GLYR1: variants seen among roughly 807,000 people sequenced by gnomAD.
GLYR1 encodes the protein glyoxylate reductase 1 homolog, also known as cytokine-like nuclear factor N-PAC.
A neutral mutation model predicts 72.7 loss-of-function variants in GLYR1; 21 were observed. The observed-to-expected ratio is 0.29, with a 90% CI of 0.20 to 0.42. The LOEUF (loss-of-function observed/expected upper bound fraction) is 0.42, where lower values mean the gene tolerates loss of function less well. Among genes scored for constraint, GLYR1 ranks in the 10% least tolerant of loss-of-function variants. The pLI is 1.00. For synonymous variants in GLYR1, 392 were observed against 270.2 expected, an observed-to-expected ratio of 1.45 and a Z score of -4.42; for missense variants, 594 against 712.1, an observed-to-expected ratio of 0.83 and a Z score of 1.89.
chr16:4,843,768 T>A (rs951037555), intron 3 of GLYR1: 10 of 524,402 alleles, frequency 1.9e-5, no homozygotes, highest in Non-Finnish European at 2.7e-5. Flanking sequence ...TGTATTTTCC[T>A]ATAAGAATAA....
intron 12 of GLYR1, 23 bp downstream of exon 12, chr16:4,813,714 G>A (rs1239373648): frequency 6.4e-7 from 1 of 1,561,138 alleles, no homozygotes; most frequent in South Asian, 1.2e-5. Context: ...ATGCTGGAGA[G>A]CCAGCCCAAG....
chr16:4,814,767 G>C, intron 10 of GLYR1, 120 bp from the exon 11 acceptor site: 1 of 767,310 alleles, frequency 1.3e-6, no homozygotes, highest in Non-Finnish European at 2.2e-6. Context: ...GCTGAGGCCG[G>C]GAGCCTGGGT....
intron 10 of GLYR1, 117 bp from the exon 11 acceptor site, chr16:4,814,764 C>T (rs535033641): frequency 4.8e-4 from 379 of 792,424 alleles, no homozygotes; most frequent in Non-Finnish European, 7.2e-4. Context: ...GAGGCTGAGG[C>T]CGGGAGCCTG....
chr16:4,821,836 G>A lies in GLYR1; in HGVS notation c.682-239C>T, dbSNP rs564201640. On this transcript the variant is annotated intron_variant, in intron 7 of 15. Coordinates refer to ENST00000321919, the MANE Select transcript of GLYR1 (RefSeq NM_032569.4). ...TGTTGAGAATAAGAGTCATAAGCTT[G>A]GAACCCACATCTATCCAACTCCAAA... 5.7e-4 allele frequency among the ~76,000 whole-genome samples: 87 copies of A among 152,342 alleles called. 1 individual carries two copies. Among genetic ancestry groups the A allele is most frequent in the Middle Eastern group, 3.4e-3 (1 of 294 alleles).
At chr16:4,817,964 T>C in intron 9 of GLYR1, 1 of 375,836 alleles carries the variant, frequency 2.7e-6, no homozygotes, top group East Asian at 5.3e-5. Flanking sequence ...TGTGTATGGT[T>C]CAGGGCCAGT....
intron 10 of GLYR1, among the ~76,000 whole-genome samples, chr16:4,816,729 T>C (rs927919324): frequency 2.6e-5 from 4 of 152,104 alleles, no homozygotes; most frequent in African/African-American, 9.6e-5. Flanking sequence ...CTCACACCCG[T>C]AATCCCAGTA....
chr16:4,821,194 C>T (rs1296925592), intron 9 of GLYR1, 186 bp downstream of exon 9: 8 of 648,570 alleles, frequency 1.2e-5, no homozygotes, highest in African/African-American at 5.5e-5. Flanking sequence ...AAGGGAGACC[C>T]GACCACAGAT....
In GLYR1 at chr16:4,817,639, T is replaced by G. The variant is rs775694326; in HGVS notation, c.865A>C (p.Met289Leu). The G allele has an allele frequency of 1.9e-6, 3 of 1,613,476 alleles. No homozygotes were observed. Among genetic ancestry groups the G allele is most frequent in the Admixed American group, 3.3e-5 (2 of 59,994 alleles). The change falls in exon 10 of 16, where the codon ATG (methionine) becomes CTG (leucine). Residue 289 changes from methionine to leucine, a missense_variant. Met to Leu is a conservative substitution (Grantham distance 15, BLOSUM62 2). Coordinates refer to ENST00000321919, the MANE Select transcript of GLYR1 (RefSeq NM_032569.4). ...GSGIVSNLLK[M>L]GHTVTVWNRT... ...TTCCAGACAGTCACTGTGTGACCCA[T>G]TTTTAGCAAGTTGGAGACGATTCCA... is the stretch of plus-strand genomic sequence containing the variant.
intron 5 of GLYR1, among the ~76,000 whole-genome samples, chr16:4,829,016 A>C (rs1038391981): frequency 6.6e-6 from 1 of 152,124 alleles, no homozygotes; most frequent in Non-Finnish European, 1.5e-5. Flanking sequence ...TAAACTCAGA[A>C]GTCACATTAC....
At chr16:4,834,620 C>G (rs1008341575) in intron 3 of GLYR1, among the ~76,000 whole-genome samples, 2 of 152,122 alleles carry the variant, frequency 1.3e-5, no homozygotes, top group South Asian at 4.1e-4. Flanking sequence ...TATGCACCAC[C>G]ACACCCAGCT....
chr16:4,829,453 G>A (rs1185677520), intron 5 of GLYR1, among the ~76,000 whole-genome samples: 1 of 151,712 alleles, frequency 6.6e-6, no homozygotes, highest in South Asian at 2.1e-4. Context: ...CTACAGGTGT[G>A]TACCACTATG....
intron 3 of GLYR1, among the ~76,000 whole-genome samples, chr16:4,835,081 C>G (rs1026598255): frequency 2.0e-5 from 3 of 152,098 alleles, no homozygotes; most frequent in African/African-American, 7.2e-5. Context: ...TGGTCAGAAG[C>G]TGAGAACCAC....
intron 5 of GLYR1, among the ~76,000 whole-genome samples, chr16:4,827,816 C>T (rs2084495767): frequency 6.6e-6 from 1 of 151,884 alleles, no homozygotes; most frequent in South Asian, 2.1e-4. Context: ...AGGAGAATGG[C>T]ATTAACCCAG....
chr16:4,813,267 A>G (rs574036102), intron 12 of GLYR1, among the ~76,000 whole-genome samples: 2 of 152,140 alleles, frequency 1.3e-5, no homozygotes, highest in Non-Finnish European at 2.9e-5. Flanking sequence ...CCGGACTGGA[A>G]TTTCTTAGAG....
intron 5 of GLYR1, among the ~76,000 whole-genome samples, chr16:4,826,102 C>T (rs533831339): frequency 6.6e-6 from 1 of 152,232 alleles, no homozygotes; most frequent in South Asian, 2.1e-4. Flanking sequence ...GGCTGGAGTG[C>T]AGTGACTCAA....
intron 3 of GLYR1, chr16:4,843,326 T>TG (rs1247192784): frequency 5.7e-6 from 2 of 352,236 alleles, no homozygotes; most frequent in African/African-American, 4.4e-5. Flanking sequence ...GGCTAATTTT[T>TG]GTATTTTTTG....
intron 3 of GLYR1, among the ~76,000 whole-genome samples, chr16:4,836,098 C>T (rs1006238649): frequency 2.0e-5 from 3 of 152,122 alleles, no homozygotes; most frequent in Admixed American, 6.6e-5. Context: ...TGCAACTGGC[C>T]TACCTCTGTC....
At chr16:4,826,959 G>A (rs914140856) in intron 5 of GLYR1, among the ~76,000 whole-genome samples, 3 of 152,172 alleles carry the variant, frequency 2.0e-5, no homozygotes, top group East Asian at 1.9e-4. Flanking sequence ...TCTGCTCCTC[G>A]TGTGAGTATG....
intron 3 of GLYR1, among the ~76,000 whole-genome samples, chr16:4,834,753 A>G (rs2085026056): frequency 6.6e-6 from 1 of 152,208 alleles, no homozygotes; most frequent in Admixed American, 6.5e-5. Flanking sequence ...GGTGTGAGCC[A>G]GCAAACTCCT....
Sources: allele counts gnomAD v4.1 joint callset (sites outside exome capture counted in the v4.1 genomes callset), GRCh38; gene constraint gnomAD v4.1.1; transcripts MANE v1.5; gene names NCBI Gene and HGNC (gene_info 2026-07-23, HGNC 2026-07-21).